The following CCDC185 variants were observed in gnomAD, a reference collection of about 807,000 sequenced individuals.
CCDC185 encodes the protein coiled-coil domain-containing protein 185.
For synonymous variants in CCDC185, 381 were observed against 348.1 expected (o/e 1.09, Z -1.05); for missense variants, 982 against 825.3 (o/e 1.19, Z -2.33).
chr1:223,395,326 TCAG>T lies in CCDC185; in HGVS notation c.1855_1857del (p.Gln619del). On this transcript the variant is annotated inframe_deletion, in exon 1 of 1. Transcript: ENST00000366875. ...TACTAGAGGCCCAGCTCCGTGCCTGTCAGCAGAACAGGGGTTACTGAGAACCAA... is the reference window on the plus strand; with the variant it reads ...TACTAGAGGCCCAGCTCCGTGCCTGTCAGAACAGGGGTTACTGAGAACCAA... The T allele has an allele frequency of 6.6e-7, 1 of 1,522,048 alleles. No individual in the cohort carries two copies. Among genetic ancestry groups the T allele is most frequent in the Non-Finnish European group, 8.8e-7 (1 of 1,138,572 alleles). 94.3% of individuals were successfully genotyped at this position (1,522,048 alleles called of 1,614,324 possible).
At position 223,394,155 on chromosome 1, in the gene CCDC185, A is replaced by T; in HGVS notation, c.680A>T (p.Gln227Leu). 6.2e-7 allele frequency: 1 copy of T among 1,614,122 alleles called. No homozygotes were observed. Among genetic ancestry groups the T allele is most frequent in the African/African-American group, 1.3e-5 (1 of 75,074 alleles). ...QVESLASRDS[Q>L]PLASSKEMRS... ...GAGTCATTAGCCAGCCGGGACTCCC[A>T]GCCCTTGGCCTCCAGCAAAGAGATG... The change falls in exon 1 of 1, where the codon CAG becomes CTG. Residue 227 changes from glutamine (Q) to leucine (L), a missense_variant. By Grantham distance (113) the Gln-to-Leu change is moderately radical (BLOSUM62 -2). Transcript: ENST00000366875.
Position 223,393,853 on chromosome 1 carries a change from G to C in CCDC185, c.378G>C (p.Gln126His), listed in dbSNP as rs1253475583. ...GCCCGGCTTGGCAGCCGCAGACCCA[G>C]CTGCCACCCCAGCGGCCGCAGCCCT... is the stretch of plus-strand genomic sequence containing the variant. ...KPRPAWQPQT[Q>H]LPPQRPQPCP... Residue 126 changes from glutamine (Q) to histidine (H), a missense_variant, in exon 1 of 1, where the codon CAG becomes CAC. Physicochemically the swap from Gln to His is conservative, Grantham distance 24. Coordinates refer to ENST00000366875, the MANE Select transcript of CCDC185 (RefSeq NM_152610.3). This position sits in a 1 kb window ranked among gnomAD's most constrained non-coding sequence, Gnocchi z 4.8. The C allele has an allele frequency of 6.2e-7, 1 of 1,602,988 alleles. No homozygotes were observed.
rs780714112 is a variant in CCDC185, at chr1:223,394,030, T to C, written c.555T>C (p.Pro185=). 1.1e-5 allele frequency: 18 copies of C among 1,614,144 alleles called. No individual in the cohort carries two copies. In the South Asian group the frequency reaches 2.0e-4, roughly 18 times the overall value. The part of the protein sequence containing the change: ...PLGRHLGRWS[P]SSVPSERSSV... ...GCAGACATCTAGGTCGCTGGTCCCC[T>C]TCCTCAGTTCCCTCGGAGCGGTCTT... The change falls in exon 1 of 1, where the codon CCT becomes CCC. Residue 185 remains proline, a synonymous_variant. Transcript: ENST00000366875.
In CCDC185 at chr1:223,394,319, A is replaced by G. The variant is rs775439837; in HGVS notation, c.844A>G (p.Lys282Glu). ...ACGGGAGCTGCAGCAGCAGGCGGCTAAGGCCTGGGAGGAGCTGAAGCGCTC... is the reference window on the plus strand; with the variant it reads ...ACGGGAGCTGCAGCAGCAGGCGGCTGAGGCCTGGGAGGAGCTGAAGCGCTC... ...RIRELQQQAA[K>E]AWEELKRSDQ... Residue 282 changes from lysine (K) to glutamate (E), a missense_variant, in exon 1 of 1, where the codon AAG (lysine) becomes GAG (glutamate). By Grantham distance (56) the Lys-to-Glu change is moderately conservative (BLOSUM62 1). Coordinates refer to ENST00000366875, the MANE Select transcript of CCDC185 (RefSeq NM_152610.3). 2.5e-6 allele frequency: 4 copies of G among 1,608,524 alleles called. No individual in the cohort carries two copies. The highest frequency in any genetic ancestry group is 4.5e-5 in the East Asian group (2 of 44,538).
At position 223,393,475 on chromosome 1, in the gene CCDC185, G is replaced by T; in HGVS notation, c.-1G>T. On this transcript the variant is annotated 5_prime_UTR_variant, in exon 1 of 1. Transcript: ENST00000366875. This position sits in a 1 kb window ranked among gnomAD's most constrained non-coding sequence, Gnocchi z 4.8. ...GACGCTGCGCGTGCCCAGAGGGAGG[G>T]ATGGCAGGCTTCAGCCACTTCTCCC... is the stretch of plus-strand genomic sequence containing the variant. 4 of 1,469,484 alleles carry T rather than the reference G, an allele frequency of 2.7e-6. No homozygotes were observed. Among genetic ancestry groups the T allele is most frequent in the Non-Finnish European group, 3.6e-6 (4 of 1,111,208 alleles). 91.0% of individuals were successfully genotyped at this position (1,469,484 alleles called of 1,614,324 possible). A position where few individuals can be genotyped will look rare whatever the true frequency, so the allele number is the denominator to read the frequency against.
Position 223,395,402 on chromosome 1 carries a change from AT to A in CCDC185, c.*57del. 2 of 1,434,258 alleles carry A rather than the reference AT, an allele frequency of 1.4e-6. No homozygotes were observed. Among genetic ancestry groups the A allele is most frequent in the South Asian group, 3.4e-5 (2 of 58,294 alleles). The allele number at this position is 1,434,258 out of a possible 1,614,324, so 88.8% of individuals were successfully genotyped here. A position where few individuals can be genotyped will look rare whatever the true frequency, so the allele number is the denominator to read the frequency against. On this transcript the variant is annotated 3_prime_UTR_variant, in exon 1 of 1. Coordinates refer to ENST00000366875, the MANE Select transcript of CCDC185 (RefSeq NM_152610.3). ...AGCCAGAAGGAGATGTGGCAATGTGATTCCTTTTGTAATCTGATTATAATTG... is the reference window on the plus strand; with the variant it reads ...AGCCAGAAGGAGATGTGGCAATGTGATCCTTTTGTAATCTGATTATAATTG...
Position 223,394,961 on chromosome 1 carries a change from G to A in CCDC185, c.1486G>A (p.Glu496Lys), listed in dbSNP as rs752422195. The stretch of plus-strand genomic sequence containing the variant: ...GGCCAGGTGGCGCGCAGGGGAGTCA[G>A]AGGAACAGAGGAAGATGCGCAAAAG... ...QQARWRAGES[E>K]EQRKMRKRIL... The change falls in exon 1 of 1, where the codon GAG (glutamate) becomes AAG (lysine). Residue 496 changes from glutamate (E) to lysine (K), a missense_variant. By Grantham distance (56) the Glu-to-Lys change is moderately conservative. Transcript: ENST00000366875. The A allele has an allele frequency of 5.6e-6, 9 of 1,614,164 alleles. No individual in the cohort carries two copies. In the South Asian group the frequency reaches 8.8e-5, roughly 16 times the overall value.
chr1:223,393,504 C>T lies in CCDC185; in HGVS notation c.29C>T (p.Pro10Leu), dbSNP rs764126570. The change falls in exon 1 of 1, where the codon CCG (proline) becomes CTG (leucine). Residue 10 changes from proline (P) to leucine (L), a missense_variant. Transcript: ENST00000366875. This position sits in a 1 kb window ranked among gnomAD's most constrained non-coding sequence, Gnocchi z 4.8. ...GCAGGCTTCAGCCACTTCTCCCAGC[C>T]GCCCTACCGGGATCTCTGGGAACCC... MAGFSHFSQPPYRDLWEPPR... is the reference protein window; with the variant it reads MAGFSHFSQLPYRDLWEPPR... 38 of 1,518,350 alleles carry T rather than the reference C, an allele frequency of 2.5e-5. No individual in the cohort carries two copies. The highest frequency in any genetic ancestry group is 2.0e-4 in the Middle Eastern group (1 of 4,926). The allele number at this position is 1,518,350 out of a possible 1,614,324, so 94.1% of individuals were successfully genotyped here.
In CCDC185 at chr1:223,394,971, G is replaced by C. The variant is rs763707472; in HGVS notation, c.1496G>C (p.Arg499Thr). Residue 499 changes from arginine (R) to threonine (T), a missense_variant, in exon 1 of 1, where the codon AGG (arginine) becomes ACG (threonine). Physicochemically the swap from Arg to Thr is moderately conservative, Grantham distance 71. Transcript: ENST00000366875. The part of the protein sequence containing the change: ...RWRAGESEEQ[R>T]KMRKRILVEL... ...CGCGCAGGGGAGTCAGAGGAACAGAGGAAGATGCGCAAAAGAATTCTGGTG... is the reference window on the plus strand; with the variant it reads ...CGCGCAGGGGAGTCAGAGGAACAGACGAAGATGCGCAAAAGAATTCTGGTG... 2 of 1,614,134 alleles carry C rather than the reference G, an allele frequency of 1.2e-6. No individual in the cohort carries two copies. The highest frequency in any genetic ancestry group is 1.7e-6 in the Non-Finnish European group (2 of 1,180,032).
Position 223,395,307 on chromosome 1 carries a change from A to T in CCDC185, c.1832A>T (p.Glu611Val). The T allele has an allele frequency of 6.5e-7, 1 of 1,534,868 alleles. No homozygotes were observed. Among genetic ancestry groups the T allele is most frequent in the South Asian group, 1.3e-5 (1 of 75,742 alleles). Residue 611 changes from glutamate to valine, a missense_variant, in exon 1 of 1, where the codon GAG (glutamate) becomes GTG (valine). Coordinates refer to ENST00000366875, the MANE Select transcript of CCDC185 (RefSeq NM_152610.3). ...PNSSLDQMVL[E>V]AQLRACQQNR... ...AGCTCCCTTGATCAGATGGTACTAG[A>T]GGCCCAGCTCCGTGCCTGTCAGCAG...
chr1:223,394,427 C>A lies in CCDC185; in HGVS notation c.952C>A (p.Gln318Lys). The A allele has an allele frequency of 6.4e-7, 1 of 1,566,922 alleles. No homozygotes were observed. Among genetic ancestry groups the A allele is most frequent in the Non-Finnish European group, 8.6e-7 (1 of 1,156,616 alleles). Reference protein sequence around the residue: ...QSQEQWQEKEQRKTLQSPEQR... With the variant: ...QSQEQWQEKEKRKTLQSPEQR... ...CCAGGAGCAGTGGCAGGAGAAGGAGCAGCGCAAGACCCTCCAGAGCCCTGA... is the reference window on the plus strand; with the variant it reads ...CCAGGAGCAGTGGCAGGAGAAGGAGAAGCGCAAGACCCTCCAGAGCCCTGA... Residue 318 changes from glutamine to lysine, a missense_variant, in exon 1 of 1, where the codon CAG (glutamine) becomes AAG (lysine). By Grantham distance (53) the Gln-to-Lys change is moderately conservative (BLOSUM62 1). Coordinates refer to ENST00000366875, the MANE Select transcript of CCDC185 (RefSeq NM_152610.3).
chr1:223,395,378 G>C lies in CCDC185; in HGVS notation c.*31G>C, dbSNP rs754022241. On this transcript the variant is annotated 3_prime_UTR_variant, in exon 1 of 1. Transcript: ENST00000366875. ...AAGGACGCCTGGCTTACAGTGCGCA[G>C]CCAGAAGGAGATGTGGCAATGTGAT... 1 of 1,478,958 alleles carries C rather than the reference G, an allele frequency of 6.8e-7. No homozygotes were observed. The highest frequency in any genetic ancestry group is 1.4e-5 in the African/African-American group (1 of 70,948). The allele number at this position is 1,478,958 out of a possible 1,614,324, so 91.6% of individuals were successfully genotyped here.
chr1:223,394,507 C>T lies in CCDC185; in HGVS notation c.1032C>T (p.Ser344=), dbSNP rs201754034. Residue 344 remains serine (S), a synonymous_variant, in exon 1 of 1, where the codon AGC becomes AGT. Transcript: ENST00000366875. Reference sequence around the variant, plus strand: ...GGAAGAACGTGCCCCCGGGGGAAAGCCGGTGGAAGGAGCAACCAGAGGACC... The same window carrying T: ...GGAAGAACGTGCCCCCGGGGGAAAGTCGGTGGAAGGAGCAACCAGAGGACC... ...SQRKNVPPGE[S]RWKEQPEDQE... is the part of the protein sequence containing the mutation. 1.1e-5 allele frequency: 18 copies of T among 1,588,478 alleles called. No individual in the cohort carries two copies. In the Admixed American group the frequency reaches 2.3e-4, roughly 21 times the overall value.
At position 223,393,910 on chromosome 1, in the gene CCDC185, G is replaced by A. The variant is rs373811030; in HGVS notation, c.435G>A (p.Ser145=). 8.7e-6 allele frequency: 14 copies of A among 1,611,766 alleles called. No individual in the cohort carries two copies. The African/African-American group carries it at 1.2e-4, about 14-fold the overall frequency. ...ATTACCCTCTGGCCCAGGGAGACTCGCCCCCGCCTTGCCCCGGAGGAGCTG... is the reference window on the plus strand; with the variant it reads ...ATTACCCTCTGGCCCAGGGAGACTCACCCCCGCCTTGCCCCGGAGGAGCTG... ...CPHYPLAQGD[S]PPPCPGGAGT... is the part of the protein sequence containing the mutation. The change falls in exon 1 of 1, where the codon TCG becomes TCA. Residue 145 remains serine (S), a synonymous_variant. Transcript: ENST00000366875. The surrounding 1 kb of genome is among the most constrained non-coding windows in gnomAD (Gnocchi z 4.8).
the CCDC185 span, chr1:223,393,774 GGCCCCGCAGCAGGC>G: frequency 1.3e-6 from 2 of 1,566,742 alleles, no homozygotes; most frequent in Non-Finnish European, 8.6e-7. The surrounding 1 kb of genome is among the most constrained non-coding windows in gnomAD (Gnocchi z 4.8). Context: ...AGGAAGCACC[GGCCCCGCAGCAGGC>G]GCCTGGAAGA....
In CCDC185 at chr1:223,394,914, A is replaced by G. The variant is rs746520825; in HGVS notation, c.1439A>G (p.Lys480Arg). 6.2e-7 allele frequency: 1 copy of G among 1,614,178 alleles called. No individual in the cohort carries two copies. The highest frequency in any genetic ancestry group is 1.7e-5 in the Admixed American group (1 of 60,028). Residue 480 changes from lysine (K) to arginine (R), a missense_variant, in exon 1 of 1, where the codon AAG becomes AGG. Transcript: ENST00000366875. ...CGCGAGCTGAGGGAGAAGGCCCAGA[A>G]GGAGGAAGAGCAGTTGCAGCAGGCC... ...RQRELREKAQ[K>R]EEEQLQQARW...
Position 223,393,673 on chromosome 1 carries a change from C to T in CCDC185, c.198C>T (p.Phe66=). The T allele has an allele frequency of 1.3e-6, 2 of 1,568,382 alleles. No individual in the cohort carries two copies. The highest frequency in any genetic ancestry group is 1.7e-6 in the Non-Finnish European group (2 of 1,162,606). Residue 66 remains phenylalanine, a synonymous_variant, in exon 1 of 1, where the codon TTC becomes TTT. Transcript: ENST00000366875. This position sits in a 1 kb window ranked among gnomAD's most constrained non-coding sequence, Gnocchi z 4.8. ...GACWLHPHCS[F]TPRPRRRGCS... ...GCTGGCTGCACCCGCACTGTTCGTT[C>T]ACCCCGCGGCCTCGCAGGCGCGGGT...
In CCDC185 at chr1:223,395,025, C is replaced by G. The variant is rs372654829; in HGVS notation, c.1550C>G (p.Ala517Gly). ...CTGGCGGATGAGAAGATCCGACAGG[C>G]CAGGAGTCACGTGCACAAGACCACT... Reference protein sequence around the residue: ...VELADEKIRQARSHVHKTTRD... With the variant: ...VELADEKIRQGRSHVHKTTRD... Residue 517 changes from alanine (A) to glycine (G), a missense_variant, in exon 1 of 1, where the codon GCC (alanine) becomes GGC (glycine). Transcript: ENST00000366875. 1.9e-6 allele frequency: 3 copies of G among 1,613,800 alleles called. No individual in the cohort carries two copies. In the African/African-American group the frequency reaches 4.0e-5, roughly 22 times the overall value.
Position 223,394,784 on chromosome 1 carries a change from A to T in CCDC185, c.1309A>T (p.Met437Leu), listed in dbSNP as rs1317297793. ...LINYQARKVL[M>L]DCQAKAEELL... ...CAATTACCAGGCCCGGAAGGTCCTC[A>T]TGGACTGCCAGGCCAAGGCTGAGGA... The change falls in exon 1 of 1, where the codon ATG becomes TTG. Residue 437 changes from methionine to leucine, a missense_variant. Physicochemically the swap from Met to Leu is conservative, Grantham distance 15 (BLOSUM62 2). Transcript: ENST00000366875. The T allele has an allele frequency of 6.2e-7, 1 of 1,613,464 alleles. No homozygotes were observed. Among genetic ancestry groups the T allele is most frequent in the South Asian group, 1.1e-5 (1 of 91,054 alleles).
Sources: allele counts gnomAD v4.1 joint callset, GRCh38; gene constraint gnomAD v4.1.1; non-coding constraint Gnocchi (gnomAD v3.1); transcripts MANE v1.5; gene names NCBI Gene and HGNC (gene_info 2026-07-23, HGNC 2026-07-21).